CSMD2: variants seen among roughly 807,000 people sequenced by gnomAD.
CSMD2 encodes the protein CUB and sushi domain-containing protein 2.
A neutral mutation model predicts 398.5 loss-of-function variants in CSMD2; 130 were observed. The ratio of observed to expected loss-of-function variants is 0.33; its 90% confidence interval spans 0.28 to 0.38. The LOEUF is 0.38. CSMD2 is among the 10% of genes least tolerant of loss of function. The pLI is 1.00. For synonymous variants in CSMD2, 1,828 were observed against 1,908.5 expected (o/e 0.96, Z 1.10); for missense variants, 3,829 against 4,764.9 (o/e 0.80, Z 5.78).
intron 5 of CSMD2, among the ~76,000 whole-genome samples, chr1:33,852,852 C>T (rs1358821): frequency 0.47 from 71,254 of 152,084 alleles, 17,110 homozygotes; most frequent in East Asian, 0.57. Context: ...CAACCATGCC[C>T]ATTCATTCAT....
At chr1:33,742,516 C>T (rs906122346) in intron 14 of CSMD2, among the ~76,000 whole-genome samples, 6 of 151,846 alleles carry the variant, frequency 4.0e-5, no homozygotes, top group Non-Finnish European at 5.9e-5. Flanking sequence ...TAGCTTCTTA[C>T]GACCTGATAA....
chr1:33,817,840 C>A (rs758020416), intron 9 of CSMD2, among the ~76,000 whole-genome samples: 32 of 152,174 alleles, frequency 2.1e-4, no homozygotes, highest in Admixed American at 3.9e-4. Flanking sequence ...TGGATTTGTA[C>A]CATGATTTCC....
chr1:34,003,832 T>G (rs944385580), intron 3 of CSMD2, among the ~76,000 whole-genome samples: 2 of 152,210 alleles, frequency 1.3e-5, no homozygotes, highest in African/African-American at 4.8e-5. Context: ...AGTCTCAGAT[T>G]GAGCTTTAGA....
intron 3 of CSMD2, among the ~76,000 whole-genome samples, chr1:33,966,880 C>A (rs780713344): frequency 3.9e-5 from 6 of 152,150 alleles, no homozygotes; most frequent in African/African-American, 1.4e-4. Flanking sequence ...TGTGGAAATG[C>A]GCCTAGACAA....
intron 3 of CSMD2, among the ~76,000 whole-genome samples, chr1:34,012,701 A>G (rs561188863): frequency 6.6e-6 from 1 of 152,310 alleles, no homozygotes; most frequent in South Asian, 2.1e-4. Flanking sequence ...AGGACAGAGA[A>G]TTTTTATCTG....
At chr1:33,898,611 C>T (rs1424415995) in intron 5 of CSMD2, among the ~76,000 whole-genome samples, 2 of 152,124 alleles carry the variant, frequency 1.3e-5, no homozygotes, top group South Asian at 2.1e-4. Context: ...GGCTAGGAGT[C>T]GCCAGAGACT....
At position 33,983,120 on chromosome 1, in the gene CSMD2, T is replaced by TC. The variant is rs376657526; in HGVS notation, c.518-47167dup. Among the ~76,000 whole-genome samples, 344 of 152,100 alleles carry TC rather than the reference T, an allele frequency of 2.3e-3. 2 individuals are homozygous for TC. Among genetic ancestry groups the TC allele is most frequent in the Middle Eastern group, 0.02 (6 of 294 alleles). ...ATTGCCAGCCCAGCTTCTCAGACAC[T>TC]CCCTTAGGGGTCTACAGTTATGACA... On this transcript the variant is annotated intron_variant, in intron 3 of 70. Coordinates refer to ENST00000373381, the MANE Select transcript of CSMD2 (RefSeq NM_001281956.2).
intron 3 of CSMD2, among the ~76,000 whole-genome samples, chr1:33,996,202 A>G (rs1646721667): frequency 6.6e-6 from 1 of 152,238 alleles, no homozygotes. Flanking sequence ...AATCAGAGCA[A>G]TATGCAATCA....
intron 6 of CSMD2, among the ~76,000 whole-genome samples, chr1:33,842,864 T>G (rs1301275054): frequency 6.6e-6 from 1 of 152,254 alleles, no homozygotes; most frequent in African/African-American, 2.4e-5. Flanking sequence ...TGACTGCTGC[T>G]TTAGACGCAT....
chr1:33,614,391 A>G, intron 40 of CSMD2, 113 bp downstream of exon 40: 1 of 689,504 alleles, frequency 1.5e-6, no homozygotes, highest in Non-Finnish European at 2.7e-6. Flanking sequence ...AGAGAGGCAG[A>G]GTACTAAACA....
At chr1:33,663,889 C>T (rs1322233516) in intron 25 of CSMD2, among the ~76,000 whole-genome samples, 2 of 152,158 alleles carry the variant, frequency 1.3e-5, no homozygotes, top group Non-Finnish European at 2.9e-5. Context: ...ATACGGTGTT[C>T]CCATAGACCT....
At position 33,724,694 on chromosome 1, in the gene CSMD2, C is replaced by T. The variant is rs2149203586; in HGVS notation, c.2706G>A (p.Leu902=). 1 of 1,613,876 alleles carries T rather than the reference C, an allele frequency of 6.2e-7. No individual in the cohort carries two copies. Among genetic ancestry groups the T allele is most frequent in the East Asian group, 2.2e-5 (1 of 44,878 alleles). Reference sequence around the variant, plus strand: ...CTGGATCCAGACAGTGGTCTGACTGCAGTGTTATAGCTGAAAGAGAGAGGC... The same window carrying T: ...CTGGATCCAGACAGTGGTCTGACTGTAGTGTTATAGCTGAAAGAGAGAGGC... The part of the protein sequence containing the change: ...GFQLRYETIT[L]QSDHCLDPGI... The change falls in exon 18 of 71, where the codon CTG becomes CTA. Residue 902 remains leucine, a synonymous_variant. Transcript: ENST00000373381.
At chr1:33,725,298 C>T (rs913110651) in intron 17 of CSMD2, 51 bp downstream of exon 17, 2 of 1,530,738 alleles carry the variant, frequency 1.3e-6, no homozygotes, top group African/African-American at 2.7e-5. Flanking sequence ...AGGCCTTTGA[C>T]CCACCTGGGC....
At chr1:33,621,927 A>C (rs2148874661) in intron 37 of CSMD2, among the ~76,000 whole-genome samples, 1 of 152,310 alleles carries the variant, frequency 6.6e-6, no homozygotes, top group East Asian at 1.9e-4. Context: ...TCCCCTTCCC[A>C]TTCCTGGTGT....
At chr1:33,544,102 C>CTTTTT (rs57678063) in intron 57 of CSMD2, among the ~76,000 whole-genome samples, 5 of 89,344 alleles carry the variant, frequency 5.6e-5, no homozygotes, top group African/African-American at 4.7e-5. Flanking sequence ...CCATATTTGT[C>CTTTTT]TTTTTTTTTT....
chr1:33,847,827 A>C (rs994116639), intron 5 of CSMD2, among the ~76,000 whole-genome samples: 1 of 152,148 alleles, frequency 6.6e-6, no homozygotes, highest in African/African-American at 2.4e-5. Flanking sequence ...GGGGATCATG[A>C]TGACCCCTCC....
intron 54 of CSMD2, among the ~76,000 whole-genome samples, chr1:33,558,160 C>T (rs916411818): frequency 3.3e-5 from 5 of 152,200 alleles, no homozygotes; most frequent in African/African-American, 1.2e-4. Context: ...CTTTCTGGTA[C>T]TCCCTTGCAC....
At chr1:33,910,381 A>G (rs1290607360) in intron 5 of CSMD2, among the ~76,000 whole-genome samples, 2 of 151,864 alleles carry the variant, frequency 1.3e-5, no homozygotes, top group African/African-American at 4.8e-5. Flanking sequence ...GCAAAATCTT[A>G]CCCCTCAGTT....
chr1:33,951,249 G>A (rs1644999509), intron 3 of CSMD2, among the ~76,000 whole-genome samples: 1 of 152,194 alleles, frequency 6.6e-6, no homozygotes, highest in African/African-American at 2.4e-5. Context: ...TAGGGACATT[G>A]CACTCCATTC....
Sources: gnomAD v4.1 joint callset for allele counts (sites outside exome capture counted in the v4.1 genomes callset) on GRCh38, gnomAD v4.1.1 for gene constraint, MANE v1.5 for transcripts, NCBI Gene and HGNC (gene_info 2026-07-23, HGNC 2026-07-21) for gene names.